SLC41A2: variants seen among roughly 807,000 people sequenced by gnomAD.
SLC41A2 encodes the protein solute carrier family 41 member 2.
Under a neutral mutation model 58.3 loss-of-function variants are expected in SLC41A2, and 32 were observed. That is an observed-to-expected ratio of 0.55 (90% confidence interval 0.41 to 0.74). The LOEUF is 0.74. Ranked by LOEUF, SLC41A2 falls within the 30% of genes least tolerant of loss-of-function variation. The pLI is 0.00. For missense variants in SLC41A2, 514 were observed against 680.6 expected, an observed-to-expected ratio of 0.76 and a Z score of 2.72; for synonymous variants, 190 against 235.0, an observed-to-expected ratio of 0.81 and a Z score of 1.75.
intron 2 of SLC41A2, among the ~76,000 whole-genome samples, chr12:104,923,691 C>G (rs907448597): frequency 2.0e-5 from 3 of 152,120 alleles, no homozygotes; most frequent in African/African-American, 7.2e-5. Context: ...TTATGAACAA[C>G]TATACACGAA....
Position 104,805,119 on chromosome 12 carries a change from C to G in SLC41A2, c.*33G>C. On this transcript the variant is annotated 3_prime_UTR_variant, in exon 11 of 11. Coordinates refer to ENST00000258538, the MANE Select transcript of SLC41A2 (RefSeq NM_001352171.3). ...ATAAGTGGTTGTCGTGTATTTTCTTCCTTGGTAACTTGAGAGCAGTTTGTA... is the reference window on the plus strand; with the variant it reads ...ATAAGTGGTTGTCGTGTATTTTCTTGCTTGGTAACTTGAGAGCAGTTTGTA... 6.5e-7 allele frequency: 1 copy of G among 1,534,330 alleles called. No homozygotes were observed. Among genetic ancestry groups the G allele is most frequent in the Non-Finnish European group, 8.8e-7 (1 of 1,136,754 alleles).
chr12:104,853,926 T>TTTTTTTTTTTTTTTTA (rs2042918454), intron 8 of SLC41A2, among the ~76,000 whole-genome samples: 8 of 118,848 alleles, frequency 6.7e-5, no homozygotes, highest in African/African-American at 2.5e-4. Context: ...TTTTTTTTTT[T>TTTTTTTTTTTTTTTTA]TTTTTTTTTT....
chr12:104,824,292 C>T (rs925762171), intron 10 of SLC41A2, among the ~76,000 whole-genome samples: 5 of 151,576 alleles, frequency 3.3e-5, no homozygotes, highest in African/African-American at 1.2e-4. Context: ...AGCTGGACAT[C>T]GAGAGGAGCA....
chr12:104,885,649 T>C (rs1485552668), intron 6 of SLC41A2, among the ~76,000 whole-genome samples: 2 of 152,180 alleles, frequency 1.3e-5, no homozygotes, highest in Non-Finnish European at 2.9e-5. Context: ...ACAAATCATA[T>C]GTATTTACCA....
chr12:104,942,292 A>G (rs2047542507), intron 1 of SLC41A2, among the ~76,000 whole-genome samples: 2 of 152,108 alleles, frequency 1.3e-5, no homozygotes, highest in African/African-American at 4.8e-5. Context: ...CAGCCTGAGC[A>G]ACATGGCAGA....
At chr12:104,814,471 C>CGAAAGAAGAAAACCATGTCTTCTTTCT (rs1273424115) in intron 10 of SLC41A2, among the ~76,000 whole-genome samples, 5 of 152,046 alleles carry the variant, frequency 3.3e-5, no homozygotes, top group African/African-American at 1.2e-4. Context: ...TGTCAATCCC[C>CGAAAGAAGAAAACCATGTCTTCTTTCT]GAAAGAAGAA....
chr12:104,946,488 G>C (rs28700074), intron 1 of SLC41A2, among the ~76,000 whole-genome samples: 1 of 152,028 alleles, frequency 6.6e-6, no homozygotes, highest in African/African-American at 2.4e-5. Flanking sequence ...TGCTCAGACT[G>C]GTCTTGAACT....
chr12:104,873,908 T>C (rs986812684), intron 6 of SLC41A2, among the ~76,000 whole-genome samples: 3 of 152,162 alleles, frequency 2.0e-5, no homozygotes, highest in South Asian at 4.1e-4. Flanking sequence ...GAGCTCCTTA[T>C]ATATTTTGGA....
chr12:104,865,731 A>C (rs2043410501), intron 7 of SLC41A2, among the ~76,000 whole-genome samples: 1 of 152,140 alleles, frequency 6.6e-6, no homozygotes, highest in Non-Finnish European at 1.5e-5. Flanking sequence ...TTAATCTAAC[A>C]TGTTTAATAG....
intron 7 of SLC41A2, among the ~76,000 whole-genome samples, chr12:104,863,989 T>G (rs2043313895): frequency 6.6e-6 from 1 of 151,776 alleles, no homozygotes; most frequent in African/African-American, 2.4e-5. Flanking sequence ...CCTCCCTCCT[T>G]AAGTCCCCTG....
chr12:104,885,932 C>T (rs1378436814), intron 6 of SLC41A2, among the ~76,000 whole-genome samples: 2 of 152,050 alleles, frequency 1.3e-5, no homozygotes, highest in African/African-American at 2.4e-5. Context: ...AGGTTGACTC[C>T]TAGCTGCTGT....
chr12:104,884,387 T>G (rs1292100965), intron 6 of SLC41A2, among the ~76,000 whole-genome samples: 1 of 152,076 alleles, frequency 6.6e-6, no homozygotes, highest in Non-Finnish European at 1.5e-5. Context: ...ACCCAGTACC[T>G]CAGTTGGAAA....
rs376206657 is a variant in SLC41A2, at chr12:104,886,321, C to G, written c.999G>C (p.Trp333Cys). The change falls in exon 6 of 11, where the codon TGG becomes TGC. Residue 333 changes from tryptophan (W) to cysteine (C), a missense_variant. This residue lies in a region of SLC41A2 where 336 missense variants were observed against 430.0 expected (regional missense o/e 0.78). Transcript: ENST00000258538. ...GACAGGAGTATAAGCCCTGACTTAT[C>G]CAAGCCAATATGGCAAGAGTTATAA... ...GDLITLAILA[W>C]ISQGLYSCLE... 6.2e-7 allele frequency: 1 copy of G among 1,613,460 alleles called. No homozygotes were observed. The highest frequency in any genetic ancestry group is 1.3e-5 in the African/African-American group (1 of 74,908).
At chr12:104,953,536 T>C (rs2048033446) in intron 1 of SLC41A2, among the ~76,000 whole-genome samples, 1 of 152,250 alleles carries the variant, frequency 6.6e-6, no homozygotes, top group South Asian at 2.1e-4. Context: ...ACTGGCTTTC[T>C]TGGACTTGCT....
At chr12:104,916,008 T>C (rs2046303683) in intron 2 of SLC41A2, among the ~76,000 whole-genome samples, 2 of 152,206 alleles carry the variant, frequency 1.3e-5, no homozygotes, top group African/African-American at 4.8e-5. Flanking sequence ...AAAGGCCTTT[T>C]CTGCATCTAT....
chr12:104,940,031 G>T lies in SLC41A2; in HGVS notation c.-167-11337C>A, dbSNP rs561557436. Among the ~76,000 whole-genome samples the T allele has an allele frequency of 3.9e-3, 576 of 147,854 alleles. 1 individual carries two copies. Among genetic ancestry groups the T allele is most frequent in the Middle Eastern group, 7.0e-3 (2 of 286 alleles). On this transcript the variant is annotated intron_variant, in intron 1 of 10. Transcript: ENST00000258538. Reference sequence around the variant, plus strand: ...TTCCTATTATTATTATTTTTTTTTTGAGACGGAGTTTCACTCTTTTTGCCC... The same window carrying T: ...TTCCTATTATTATTATTTTTTTTTTTAGACGGAGTTTCACTCTTTTTGCCC...
intron 1 of SLC41A2, among the ~76,000 whole-genome samples, chr12:104,950,968 A>G (rs1354429533): frequency 6.6e-6 from 1 of 152,180 alleles, no homozygotes; most frequent in African/African-American, 2.4e-5. Flanking sequence ...AGAAAGCAAG[A>G]TTGAAATATC....
intron 10 of SLC41A2, among the ~76,000 whole-genome samples, chr12:104,830,031 T>C (rs2041986933): frequency 6.6e-6 from 1 of 152,198 alleles, no homozygotes; most frequent in African/African-American, 2.4e-5. Context: ...CAGAAAAAGT[T>C]TGTGGCCTCT....
chr12:104,915,805 T>C (rs2135809900), intron 2 of SLC41A2, among the ~76,000 whole-genome samples: 1 of 152,272 alleles, frequency 6.6e-6, no homozygotes. Flanking sequence ...TCCAACACTA[T>C]GTTGAATAGG....
Sources: gnomAD v4.1 joint callset for allele counts (sites outside exome capture counted in the v4.1 genomes callset) on GRCh38, gnomAD v4.1.1 for gene constraint, gnomAD v4.1.1 regional missense constraint, MANE v1.5 for transcripts, NCBI Gene and HGNC (gene_info 2026-07-23, HGNC 2026-07-21) for gene names.